UNC80: variants seen among roughly 807,000 people sequenced by gnomAD.
The protein encoded by UNC80 is protein unc-80 homolog.
In UNC80, 164 loss-of-function variants were observed where a neutral mutation model predicts 384.6. The ratio of observed to expected loss-of-function variants is 0.43; its 90% CI spans 0.38 to 0.49. UNC80 has a LOEUF of 0.49. Ranked by LOEUF, UNC80 falls within the 20% of genes least tolerant of loss-of-function variation. The pLI is 0.00. For synonymous variants in UNC80, 1,486 were observed against 1,527.8 expected, an observed-to-expected ratio of 0.97 and a Z score of 0.64; for missense variants, 3,330 against 4,143.0, an observed-to-expected ratio of 0.80 and a Z score of 5.39.
At position 209,922,325 on chromosome 2, in the gene UNC80, G is replaced by T. The variant is rs373207167; in HGVS notation, c.5604G>T (p.Arg1868Ser). ...SPSCTSSTSH[R>S]NYSFRRGSVW... ...CCTGCACCTCCAGCACTTCCCACAG[G>T]AATTATTCCTTCCGCCGCGGGTCAG... Residue 1868 changes from arginine (R) to serine (S), a missense_variant, in exon 35 of 65, where the codon AGG becomes AGT. Physicochemically the swap from Arg to Ser is moderately radical, Grantham distance 110 (BLOSUM62 -1). Transcript: ENST00000673920. The T allele has an allele frequency of 1.3e-6, 2 of 1,551,928 alleles. No homozygotes were observed. The highest frequency in any genetic ancestry group is 1.7e-6 in the Non-Finnish European group (2 of 1,147,070).
intron 47 of UNC80, among the ~76,000 whole-genome samples, chr2:209,948,123 A>G (rs1014226959): frequency 6.6e-6 from 1 of 152,166 alleles, no homozygotes; most frequent in Non-Finnish European, 1.5e-5. Flanking sequence ...GTTTGAAGGT[A>G]TTATAAATAA....
chr2:209,972,089 G>C (rs2092902485), intron 54 of UNC80, 112 bp from the exon 55 acceptor site: 4 of 1,347,480 alleles, frequency 3.0e-6, no homozygotes, highest in South Asian at 3.1e-5. Flanking sequence ...TGAACTCATA[G>C]TTTACAGGAG....
At chr2:209,884,290 G>T (rs1333286773) in intron 25 of UNC80, among the ~76,000 whole-genome samples, 2 of 152,188 alleles carry the variant, frequency 1.3e-5, no homozygotes, top group East Asian at 3.8e-4. Flanking sequence ...AATGAAAACA[G>T]TAATTCCCAT....
intron 30 of UNC80, 121 bp from the exon 31 acceptor site, chr2:209,913,681 G>C: frequency 1.0e-6 from 1 of 994,188 alleles, no homozygotes; most frequent in Non-Finnish European, 1.4e-6. Context: ...TCCCATTTTA[G>C]AAAGCATTTT....
intron 22 of UNC80, among the ~76,000 whole-genome samples, chr2:209,863,311 T>C (rs2124865709): frequency 6.6e-6 from 1 of 152,258 alleles, no homozygotes; most frequent in Middle Eastern, 3.4e-3. Context: ...ATTATGTGTC[T>C]TGAGGTTGAT....
chr2:209,982,484 C>T, intron 60 of UNC80, 167 bp downstream of exon 60: 1 of 863,370 alleles, frequency 1.2e-6, no homozygotes, highest in Non-Finnish European at 1.6e-6. Flanking sequence ...GCAGGCAACA[C>T]TTTGCAGTTT....
chr2:209,985,120 T>G (rs577539635), intron 61 of UNC80, among the ~76,000 whole-genome samples: 1 of 152,328 alleles, frequency 6.6e-6, no homozygotes, highest in South Asian at 2.1e-4. Context: ...GAGCTCAATG[T>G]CAATCAAGTA....
intron 48 of UNC80, chr2:209,954,534 C>T: frequency 4.0e-6 from 1 of 250,060 alleles, no homozygotes; most frequent in Non-Finnish European, 7.5e-6. Context: ...TTGCATATAG[C>T]TTGCTGAGCT....
chr2:209,970,900 C>T lies in UNC80; in HGVS notation c.8199C>T (p.Leu2733=). 1.3e-6 allele frequency: 2 copies of T among 1,551,910 alleles called. No homozygotes were observed. The highest frequency in any genetic ancestry group is 1.7e-6 in the Non-Finnish European group (2 of 1,147,052). Residue 2733 remains leucine (L), a synonymous_variant, in exon 54 of 65, where the codon CTC becomes CTT. Coordinates refer to ENST00000673920, the MANE Select transcript of UNC80 (RefSeq NM_001371986.1). The part of the protein sequence containing the change: ...GLPLLHLSPY[L]SPPLPFSTAV... ...CCCTTCTTCATCTCAGCCCTTATCT[C>T]TCACCACCTCTGCCCTTCAGCACAG... is the stretch of plus-strand genomic sequence containing the variant.
chr2:209,824,178 T>G (rs974232598), intron 13 of UNC80, among the ~76,000 whole-genome samples: 4 of 152,136 alleles, frequency 2.6e-5, no homozygotes, highest in African/African-American at 9.7e-5. Flanking sequence ...GTCCAAGCAT[T>G]TTGAATAAGG....
In UNC80 at chr2:209,912,618, A is replaced by C; in HGVS notation, c.4841A>C (p.Asn1614Thr). 1 of 1,551,608 alleles carries C rather than the reference A, an allele frequency of 6.4e-7. No homozygotes were observed. Among genetic ancestry groups the C allele is most frequent in the South Asian group, 1.2e-5 (1 of 84,034 alleles). The change falls in exon 30 of 65, where the codon AAT (asparagine) becomes ACT (threonine). Residue 1614 changes from asparagine (N) to threonine (T), a missense_variant. Physicochemically the swap from Asn to Thr is moderately conservative, Grantham distance 65 (BLOSUM62 0). This residue lies in a region of UNC80 where 801 missense variants were observed against 950.8 expected (regional missense o/e 0.84). Coordinates refer to ENST00000673920, the MANE Select transcript of UNC80 (RefSeq NM_001371986.1). ...PSLKKRVSDANLEGKKDSGML... is the reference protein window; with the variant it reads ...PSLKKRVSDATLEGKKDSGML... ...CTAAAGAAGAGAGTTTCAGATGCCA[A>C]TCTGGAAGGAAAAAAAGATTCCGGA...
intron 28 of UNC80, among the ~76,000 whole-genome samples, chr2:209,897,268 G>T (rs1460529191): frequency 6.6e-6 from 1 of 152,154 alleles, no homozygotes; most frequent in Non-Finnish European, 1.5e-5. Context: ...AAATACACCT[G>T]TGTAACCACT....
intron 51 of UNC80, among the ~76,000 whole-genome samples, chr2:209,962,450 C>T (rs1297996740): frequency 6.6e-6 from 1 of 152,150 alleles, no homozygotes; most frequent in Non-Finnish European, 1.5e-5. Context: ...GTATGATGAA[C>T]AGAGTCCTCA....
At chr2:209,850,174 A>T (rs573630112) in intron 22 of UNC80, among the ~76,000 whole-genome samples, 1 of 152,124 alleles carries the variant, frequency 6.6e-6, no homozygotes, top group Non-Finnish European at 1.5e-5. Context: ...GTGTGCTATT[A>T]TACACGTGTA....
chr2:209,905,574 A>C (rs1390684408), intron 29 of UNC80, among the ~76,000 whole-genome samples: 1 of 152,228 alleles, frequency 6.6e-6, no homozygotes. Flanking sequence ...AATCCGTTTT[A>C]GATTTCTGAC....
intron 59 of UNC80, among the ~76,000 whole-genome samples, chr2:209,981,647 T>C (rs1273037017): frequency 6.6e-6 from 1 of 152,206 alleles, no homozygotes; most frequent in Admixed American, 6.5e-5. Context: ...CAAAATCACA[T>C]ACTTAAATTT....
Position 209,776,945 on chromosome 2 carries a change from G to A in UNC80, c.299-313G>A, listed in dbSNP as rs76522687. On this transcript the variant is annotated intron_variant, in intron 3 of 64. Coordinates refer to ENST00000673920, the MANE Select transcript of UNC80 (RefSeq NM_001371986.1). ...TCACTCCTATAGAGGGACCTTTCTA[G>A]GTCACATTGTCTAAAATAGGATTGC... is the stretch of plus-strand genomic sequence containing the variant. Among the ~76,000 whole-genome samples, 44 of 152,178 alleles carry A rather than the reference G, an allele frequency of 2.9e-4. No homozygotes were observed. In the East Asian group the frequency reaches 6.4e-3, roughly 22 times the overall value.
chr2:209,803,702 T>C (rs1301728948), intron 7 of UNC80, among the ~76,000 whole-genome samples: 1 of 152,198 alleles, frequency 6.6e-6, no homozygotes, highest in East Asian at 1.9e-4. Flanking sequence ...GCTTGGTTCA[T>C]ATCCTTATCA....
chr2:209,989,604 G>A (rs2093355094), intron 61 of UNC80, among the ~76,000 whole-genome samples: 1 of 152,152 alleles, frequency 6.6e-6, no homozygotes, highest in Non-Finnish European at 1.5e-5. Context: ...AGGGACTATG[G>A]TGGGACTGTT....
Sources: allele counts gnomAD v4.1 joint callset (sites outside exome capture counted in the v4.1 genomes callset), GRCh38; gene constraint gnomAD v4.1.1; regional missense constraint gnomAD v4.1.1; transcripts MANE v1.5; gene names NCBI Gene and HGNC (gene_info 2026-07-23, HGNC 2026-07-21).